The following ZFHX3 variants were observed in gnomAD, a reference collection of about 807,000 sequenced individuals.
The protein encoded by ZFHX3 is zinc finger homeobox protein 3.
In ZFHX3, 42 loss-of-function variants were observed where a neutral mutation model predicts 279.1. That is an observed-to-expected ratio of 0.15 (90% CI 0.12 to 0.19). The LOEUF (loss-of-function observed/expected upper bound fraction) is 0.19, where lower values mean the gene tolerates loss of function less well. Among genes scored for constraint, ZFHX3 ranks in the 10% least tolerant of loss-of-function variants. ZFHX3 has a pLI of 1.00. For synonymous variants in ZFHX3, 2,293 were observed against 1,957.8 expected (o/e 1.17, Z -4.52); for missense variants, 4,981 against 4,754.0 (o/e 1.05, Z -1.40).
At chr16:73,258,423 C>T (rs568318428) in intron 4 of ZFHX3, among the ~76,000 whole-genome samples, 10 of 151,964 alleles carry the variant, frequency 6.6e-5, no homozygotes, top group Non-Finnish European at 1.2e-4. Context: ...AATCTCGGCT[C>T]ACTGCAAGCT....
intron 2 of ZFHX3, among the ~76,000 whole-genome samples, chr16:73,552,323 C>G (rs1028327710): frequency 6.6e-6 from 1 of 152,090 alleles, no homozygotes; most frequent in Non-Finnish European, 1.5e-5. Flanking sequence ...AAATACATAC[C>G]TATTATGCCC....
chr16:73,298,249 C>G (rs1019028626), intron 4 of ZFHX3, among the ~76,000 whole-genome samples: 2 of 147,772 alleles, frequency 1.4e-5, no homozygotes, highest in Non-Finnish European at 3.0e-5. Flanking sequence ...GGAGCTTGAT[C>G]TCAGCTCACT....
chr16:72,911,856 T>C (rs946753851), intron 3 of ZFHX3, among the ~76,000 whole-genome samples: 4 of 151,942 alleles, frequency 2.6e-5, no homozygotes, highest in African/African-American at 9.7e-5. Flanking sequence ...CTGGATTAAG[T>C]AGAAAGCAGA....
chr16:72,880,145 C>A (rs531253879), intron 4 of ZFHX3, among the ~76,000 whole-genome samples: 1 of 152,284 alleles, frequency 6.6e-6, no homozygotes, highest in African/African-American at 2.4e-5. Context: ...CTGTCCGAGG[C>A]GACTTCCAGG....
At chr16:73,288,494 G>A (rs541413135) in intron 4 of ZFHX3, among the ~76,000 whole-genome samples, 1 of 152,282 alleles carries the variant, frequency 6.6e-6, no homozygotes, top group Admixed American at 6.5e-5. Context: ...TTCACCTACA[G>A]AAAATGAGAA....
At chr16:73,761,377 T>A (rs1186854464) in intron 1 of ZFHX3, among the ~76,000 whole-genome samples, 1 of 152,284 alleles carries the variant, frequency 6.6e-6, no homozygotes, top group East Asian at 1.9e-4. Flanking sequence ...ATAGGAAGAA[T>A]CAATATTGTG....
At chr16:73,083,582 T>C (rs963378685) in intron 8 of ZFHX3, among the ~76,000 whole-genome samples, 7 of 152,114 alleles carry the variant, frequency 4.6e-5, no homozygotes, top group African/African-American at 1.7e-4. Flanking sequence ...CAGGATAGAG[T>C]ACAGTGGTGC....
chr16:73,671,247 T>G (rs893378301), intron 2 of ZFHX3, among the ~76,000 whole-genome samples: 11 of 152,240 alleles, frequency 7.2e-5, no homozygotes, highest in Admixed American at 6.5e-4. Context: ...GCTCACATTC[T>G]TTTAAAAATA....
intron 2 of ZFHX3, among the ~76,000 whole-genome samples, chr16:73,532,303 G>A (rs1289504693): frequency 6.6e-6 from 1 of 151,984 alleles, no homozygotes; most frequent in Non-Finnish European, 1.5e-5. Context: ...TTTTATATGG[G>A]GAGACCCTTT....
chr16:73,057,548 AAAG>A (rs1555546154), intron 1 of ZFHX3, among the ~76,000 whole-genome samples: 12 of 149,680 alleles, frequency 8.0e-5, no homozygotes, highest in Admixed American at 2.6e-4. Flanking sequence ...AAAAAAAAAA[AAAG>A]AAGAAGAAGA....
chr16:73,859,326 T>A (rs1197448564), intron 1 of ZFHX3, among the ~76,000 whole-genome samples: 1 of 152,252 alleles, frequency 6.6e-6, no homozygotes, highest in Non-Finnish European at 1.5e-5. Context: ...AATTTAATTT[T>A]GTGAATTAAA....
intron 5 of ZFHX3, among the ~76,000 whole-genome samples, chr16:73,165,694 G>C (rs1967348597): frequency 6.6e-6 from 1 of 152,168 alleles, no homozygotes. Flanking sequence ...CAAGAGCCTA[G>C]CTGTGGGGTA....
intron 3 of ZFHX3, among the ~76,000 whole-genome samples, chr16:73,439,213 A>T (rs140488354): frequency 1.3e-5 from 2 of 152,334 alleles, no homozygotes; most frequent in African/African-American, 4.8e-5. Flanking sequence ...TAGAAGAGTC[A>T]GCCGGCAGAA....
At chr16:73,182,355 G>C (rs886456740) in intron 5 of ZFHX3, among the ~76,000 whole-genome samples, 4 of 152,306 alleles carry the variant, frequency 2.6e-5, no homozygotes, top group Admixed American at 2.6e-4. Flanking sequence ...TACTCGGGAG[G>C]CTGAGGCATG....
At chr16:73,215,287 C>A (rs1254148303) in intron 5 of ZFHX3, among the ~76,000 whole-genome samples, 1 of 152,150 alleles carries the variant, frequency 6.6e-6, no homozygotes, top group Non-Finnish European at 1.5e-5. Context: ...ACAGTAGTAG[C>A]TATGTTGTTC....
chr16:72,936,858 C>A (rs992114373), intron 3 of ZFHX3, among the ~76,000 whole-genome samples: 2 of 151,792 alleles, frequency 1.3e-5, no homozygotes, highest in African/African-American at 4.8e-5. Context: ...TTGTAAAGGG[C>A]AAGAGTAGAG....
intron 2 of ZFHX3, among the ~76,000 whole-genome samples, chr16:73,457,157 C>G (rs2018386131): frequency 6.6e-6 from 1 of 152,184 alleles, no homozygotes; most frequent in Non-Finnish European, 1.5e-5. Flanking sequence ...CCAGCATAAC[C>G]CTCTTCCTAT....
chr16:73,730,181 G>A (rs1372251100), intron 1 of ZFHX3, among the ~76,000 whole-genome samples: 1 of 151,926 alleles, frequency 6.6e-6, no homozygotes, highest in Non-Finnish European at 1.5e-5. Context: ...AAAATTTGAT[G>A]GAATCTTACT....
At chr16:72,923,288 A>T (rs1248425474) in intron 3 of ZFHX3, among the ~76,000 whole-genome samples, 1 of 152,058 alleles carries the variant, frequency 6.6e-6, no homozygotes, top group African/African-American at 2.4e-5. Flanking sequence ...TACAAATGAT[A>T]CAAAAAGTTA....
Sources: gnomAD v4.1 joint callset for allele counts (sites outside exome capture counted in the v4.1 genomes callset) on GRCh38, gnomAD v4.1.1 for gene constraint, MANE v1.5 for transcripts, NCBI Gene and HGNC (gene_info 2026-07-23, HGNC 2026-07-21) for gene names.